Variants in GORASP2 observed in about 807,000 individuals in gnomAD.
GORASP2 encodes Golgi reassembly-stacking protein 2.
GORASP2 carries 22 observed loss-of-function variants against 45.7 expected under a neutral mutation model. The ratio of observed to expected loss-of-function variants is 0.48; its 90% CI spans 0.34 to 0.69. GORASP2 has a LOEUF of 0.69. Among genes scored for constraint, GORASP2 ranks in the 30% least tolerant of loss-of-function variants. GORASP2 has a pLI of 0.01. For synonymous variants in GORASP2, 221 were observed against 215.6 expected (o/e 1.02, Z -0.22); for missense variants, 491 against 562.7 (o/e 0.87, Z 1.29).
intron 1 of GORASP2, among the ~76,000 whole-genome samples, chr2:170,937,493 C>T (rs759030029): frequency 1.3e-5 from 2 of 152,088 alleles, no homozygotes; most frequent in Non-Finnish European, 2.9e-5. Context: ...GAGCCACATC[C>T]CTGCCCTAAT....
chr2:170,936,688 G>A (rs1703966159), intron 1 of GORASP2: 2 of 1,271,382 alleles, frequency 1.6e-6, no homozygotes, highest in Non-Finnish European at 2.1e-6. Context: ...GCATAATGGT[G>A]TGCACCTGTA....
chr2:170,957,965 A>G (rs535626149), intron 7 of GORASP2, among the ~76,000 whole-genome samples: 1 of 152,248 alleles, frequency 6.6e-6, no homozygotes, highest in African/African-American at 2.4e-5. Context: ...AGCCTCATTA[A>G]TACCTTTTAT....
At position 170,929,318 on chromosome 2, in the gene GORASP2, G is replaced by A; in HGVS notation, c.-23G>A. The A allele has an allele frequency of 7.4e-7, 1 of 1,355,032 alleles. No individual in the cohort carries two copies. Among genetic ancestry groups the A allele is most frequent in the Non-Finnish European group, 9.5e-7 (1 of 1,055,572 alleles). The allele number at this position is 1,355,032 out of a possible 1,614,324, so 83.9% of individuals were successfully genotyped here. A position where few individuals can be genotyped will look rare whatever the true frequency, so the allele number is the denominator to read the frequency against. ...GCGGGAGCAGCGCGGAGCCCGGCTC[G>A]GCCACACCGATCGCCCGCCGCCATG... On this transcript the variant is annotated 5_prime_UTR_variant, in exon 1 of 10. Coordinates refer to ENST00000234160, the MANE Select transcript of GORASP2 (RefSeq NM_015530.5).
intron 1 of GORASP2, among the ~76,000 whole-genome samples, chr2:170,932,875 A>T (rs1703860918): frequency 6.6e-6 from 1 of 152,268 alleles, no homozygotes; most frequent in African/African-American, 2.4e-5. Flanking sequence ...AACAGCTGAG[A>T]AATTGTTAAA....
At chr2:170,946,481 T>C (rs192545739) in intron 1 of GORASP2, among the ~76,000 whole-genome samples, 1 of 152,302 alleles carries the variant, frequency 6.6e-6, no homozygotes, top group Admixed American at 6.5e-5. Context: ...TTATCAAATA[T>C]GGGATGATAA....
intron 7 of GORASP2, among the ~76,000 whole-genome samples, chr2:170,960,367 T>G (rs1436226289): frequency 6.6e-6 from 1 of 152,202 alleles, no homozygotes; most frequent in Non-Finnish European, 1.5e-5. Flanking sequence ...AAAATTGTTG[T>G]ATACAATTTT....
chr2:170,946,318 C>T (rs17505447), intron 1 of GORASP2, among the ~76,000 whole-genome samples: 5,761 of 152,080 alleles, frequency 0.038, 444 homozygotes, highest in East Asian at 0.31. Flanking sequence ...ATAGTTTTGA[C>T]AGCACTTAAT....
rs754138299 is a variant in GORASP2 at position 170,966,084 on chromosome 2, A to G, written c.1313A>G (p.Lys438Arg). ...GGCGACTCCACCCCAGTCAGCGAGA[A>G]GCCTGTTTCTGCGGCTGTGGATGCC... The part of the protein sequence containing the change: ...RVGDSTPVSE[K>R]PVSAAVDANA... Residue 438 changes from lysine to arginine, a missense_variant, in exon 10 of 10, where the codon AAG becomes AGG. Transcript: ENST00000234160. 1 of 1,614,140 alleles carries G rather than the reference A, an allele frequency of 6.2e-7. No individual in the cohort carries two copies. Among genetic ancestry groups the G allele is most frequent in the Admixed American group, 1.7e-5 (1 of 60,024 alleles).
chr2:170,930,001 C>T (rs1703780947), intron 1 of GORASP2: 1 of 324,084 alleles, frequency 3.1e-6, no homozygotes, highest in Non-Finnish European at 6.4e-6. Context: ...TCCCGTGCCA[C>T]TCCTGACCCT....
chr2:170,958,578 T>C (rs2105326995), intron 7 of GORASP2, among the ~76,000 whole-genome samples: 1 of 152,098 alleles, frequency 6.6e-6, no homozygotes, highest in East Asian at 1.9e-4. Flanking sequence ...TAGGGTAGTG[T>C]ACTTCCCAAG....
intron 1 of GORASP2, 48 bp downstream of exon 1, chr2:170,929,451 C>T: frequency 4.6e-6 from 6 of 1,305,104 alleles, no homozygotes; most frequent in South Asian, 4.1e-5. Context: ...GAGGCGGGGC[C>T]GGCCGCGGGG....
intron 1 of GORASP2, among the ~76,000 whole-genome samples, chr2:170,943,970 C>A (rs1704130775): frequency 6.6e-6 from 1 of 152,174 alleles, no homozygotes; most frequent in African/African-American, 2.4e-5. Flanking sequence ...GCCACCGTGC[C>A]TGGCCTTAAT....
At chr2:170,957,655 C>T (rs1251303043) in intron 7 of GORASP2, among the ~76,000 whole-genome samples, 1 of 152,090 alleles carries the variant, frequency 6.6e-6, no homozygotes, top group Non-Finnish European at 1.5e-5. Flanking sequence ...TATTTTAAAG[C>T]TTTCTCAAGA....
At chr2:170,933,500 C>T (rs1703875266) in intron 1 of GORASP2, among the ~76,000 whole-genome samples, 1 of 152,136 alleles carries the variant, frequency 6.6e-6, no homozygotes, top group African/African-American at 2.4e-5. Context: ...GAATGCTATA[C>T]ATTCGCTCAA....
At chr2:170,929,820 A>G (rs537038594) in intron 1 of GORASP2, 4 of 465,888 alleles carry the variant, frequency 8.6e-6, no homozygotes, top group Non-Finnish European at 4.4e-6. Context: ...TTCCTAGGAG[A>G]GGGATCCGGA....
Position 170,943,608 on chromosome 2 carries a change from A to G in GORASP2, c.64-4742A>G, listed in dbSNP as rs1704123427. Among the ~76,000 whole-genome samples the G allele has an allele frequency of 1.3e-5, 2 of 152,206 alleles. 1 individual carries two copies. Among genetic ancestry groups the G allele is most frequent in the Non-Finnish European group, 2.9e-5 (2 of 68,030 alleles). Reference sequence around the variant, plus strand: ...AATAACTGGACAAAATCATGGCTTAAAACCAACTCAGTCTGGCTCTAAAAG... The same window carrying G: ...AATAACTGGACAAAATCATGGCTTAGAACCAACTCAGTCTGGCTCTAAAAG... On this transcript the variant is annotated intron_variant, in intron 1 of 9. Transcript: ENST00000234160.
intron 1 of GORASP2, among the ~76,000 whole-genome samples, chr2:170,933,475 G>A (rs901987909): frequency 9.9e-5 from 15 of 152,044 alleles, no homozygotes; most frequent in African/African-American, 3.4e-4. Flanking sequence ...ACAAATCAGG[G>A]CCTAACCACA....
rs762444476 is a variant in GORASP2, at chr2:170,962,923, G to T, written c.995G>T (p.Gly332Val). ...GCACCACACATCATGCCAGGGGTTG[G>T]CTTACCAGAACTTGTAAACCCAGGT... ...LPAPHIMPGVGLPELVNPGLP... is the reference protein window; with the variant it reads ...LPAPHIMPGVVLPELVNPGLP... Residue 332 changes from glycine (G) to valine (V), a missense_variant, in exon 9 of 10, where the codon GGC becomes GTC. Physicochemically the swap from Gly to Val is moderately radical, Grantham distance 109. This residue lies in a region of GORASP2 where 297 missense variants were observed against 292.3 expected (regional missense o/e 1.02). Coordinates refer to ENST00000234160, the MANE Select transcript of GORASP2 (RefSeq NM_015530.5). 6.2e-7 allele frequency: 1 copy of T among 1,613,706 alleles called. No individual in the cohort carries two copies. Among genetic ancestry groups the T allele is most frequent in the East Asian group, 2.2e-5 (1 of 44,874 alleles).
At chr2:170,939,557 G>T (rs1704027021) in intron 1 of GORASP2, among the ~76,000 whole-genome samples, 1 of 152,198 alleles carries the variant, frequency 6.6e-6, no homozygotes, top group African/African-American at 2.4e-5. Context: ...CAGTTCATAA[G>T]TGGTAGATTG....
Sources: gnomAD v4.1 joint callset for allele counts (sites outside exome capture counted in the v4.1 genomes callset) on GRCh38, gnomAD v4.1.1 for gene constraint, gnomAD v4.1.1 regional missense constraint, MANE v1.5 for transcripts, NCBI Gene and HGNC (gene_info 2026-07-23, HGNC 2026-07-21) for gene names.